The following TCEANC2 variants were observed in gnomAD, a reference collection of about 807,000 sequenced individuals.
TCEANC2 encodes the protein transcription elongation factor A N-terminal and central domain-containing protein 2.
Under a neutral mutation model 22.8 loss-of-function variants are expected in TCEANC2, and 20 were observed. The ratio of observed to expected loss-of-function variants is 0.88; its 90% CI spans 0.62 to 1.28. The LOEUF is 1.28. Ranked by LOEUF, TCEANC2 falls within the 50% of genes most tolerant of loss-of-function variation. TCEANC2 has a pLI of 0.00. For missense variants in TCEANC2, 251 were observed against 249.7 expected, an observed-to-expected ratio of 1.01 and a Z score of -0.03; for synonymous variants, 84 against 95.5, an observed-to-expected ratio of 0.88 and a Z score of 0.70.
intron 3 of TCEANC2, among the ~76,000 whole-genome samples, chr1:54,075,036 T>C (rs1658122811): frequency 6.6e-6 from 1 of 152,212 alleles, no homozygotes; most frequent in South Asian, 2.1e-4. Flanking sequence ...ATTGTTAAGA[T>C]TGATTACCAA....
intron 3 of TCEANC2, among the ~76,000 whole-genome samples, chr1:54,080,691 A>G (rs1570011449): frequency 6.6e-6 from 1 of 152,336 alleles, no homozygotes; most frequent in Admixed American, 6.5e-5. Flanking sequence ...TCAACATTCT[A>G]TCCCAATGCC....
At chr1:54,087,788 C>T (rs754676056) in intron 3 of TCEANC2, among the ~76,000 whole-genome samples, 6 of 152,178 alleles carry the variant, frequency 3.9e-5, no homozygotes, top group Non-Finnish European at 7.4e-5. Context: ...AGAGAAAAAT[C>T]ACTGACTGTG....
Position 54,104,834 on chromosome 1 carries a change from G to C in TCEANC2, c.*8361G>C, listed in dbSNP as rs1439824059. ...TGGGATTACAGGCGTGAGCCACTGC[G>C]CCTGGCCCCTTGCCCAATATTTATA... On this transcript the variant is annotated 3_prime_UTR_variant, in exon 5 of 5. Coordinates refer to ENST00000234827, the MANE Select transcript of TCEANC2 (RefSeq NM_153035.3). 2.9e-6 allele frequency: 1 copy of C among 350,290 alleles called. No individual in the cohort carries two copies. The highest frequency in any genetic ancestry group is 5.8e-6 in the Non-Finnish European group (1 of 173,800). 21.7% of individuals were successfully genotyped at this position (350,290 alleles called of 1,614,324 possible). A position where few individuals can be genotyped will look rare whatever the true frequency, so the allele number is the denominator to read the frequency against.
chr1:54,066,897 A>G (rs772709857), intron 2 of TCEANC2, among the ~76,000 whole-genome samples: 1 of 152,334 alleles, frequency 6.6e-6, no homozygotes, highest in South Asian at 2.1e-4. Context: ...GTATCAAGTG[A>G]TATTTCCCAA....
intron 3 of TCEANC2, among the ~76,000 whole-genome samples, chr1:54,081,651 C>T (rs114635901): frequency 0.011 from 1,663 of 151,254 alleles, 14 homozygotes; most frequent in Middle Eastern, 0.045. Flanking sequence ...TCTTTCTTGC[C>T]CCAGACTGAA....
At chr1:54,090,084 T>C (rs1411066595) in intron 4 of TCEANC2, 11 of 622,796 alleles carry the variant, frequency 1.8e-5, no homozygotes, top group Admixed American at 1.5e-4. Context: ...CCCAAAGGAA[T>C]GGAGAGATCA....
chr1:54,112,284 TG>T (rs1434857063), exon 5 of TCEANC2: 3 of 152,214 alleles, frequency 2.0e-5, no homozygotes, highest in Admixed American at 6.5e-5. Context: ...GAGGATCACT[TG>T]AGCCGGGAGG....
chr1:54,055,833 C>G (rs1657742018), intron 2 of TCEANC2, among the ~76,000 whole-genome samples: 1 of 152,186 alleles, frequency 6.6e-6, no homozygotes, highest in South Asian at 2.1e-4. Context: ...AAGTCAGTCC[C>G]TTCTCTAAGA....
Position 54,103,802 on chromosome 1 carries a change from A to G in TCEANC2, c.*7329A>G, listed in dbSNP as rs1285087326. ...GATTCATTTTCACTGGCATAGATGTATATTCCAGATACGAGTTCATCTTCA... is the reference window on the plus strand; with the variant it reads ...GATTCATTTTCACTGGCATAGATGTGTATTCCAGATACGAGTTCATCTTCA... On this transcript the variant is annotated 3_prime_UTR_variant, in exon 5 of 5. Coordinates refer to ENST00000234827, the MANE Select transcript of TCEANC2 (RefSeq NM_153035.3). 6.6e-6 allele frequency: 1 copy of G among 152,248 alleles called. No individual in the cohort carries two copies. Among genetic ancestry groups the G allele is most frequent in the Non-Finnish European group, 1.5e-5 (1 of 68,054 alleles). The allele number at this position is 152,248 out of a possible 1,614,324, so 9.4% of individuals were successfully genotyped here.
downstream of TCEANC2, among the ~76,000 whole-genome samples, chr1:54,108,014 CTTCTT>C (rs1377899897): frequency 4.6e-5 from 7 of 152,174 alleles, no homozygotes; most frequent in Non-Finnish European, 1.0e-4. Context: ...TAATGGTTAT[CTTCTT>C]TTATTTATGT....
chr1:54,057,571 C>T (rs371301701), intron 2 of TCEANC2, among the ~76,000 whole-genome samples: 3 of 152,048 alleles, frequency 2.0e-5, no homozygotes, highest in African/African-American at 7.3e-5. Flanking sequence ...CAGAATCATA[C>T]TTCTCATCTA....
downstream of TCEANC2, among the ~76,000 whole-genome samples, chr1:54,110,074 C>T (rs1266166943): frequency 6.6e-6 from 1 of 152,178 alleles, no homozygotes; most frequent in Non-Finnish European, 1.5e-5. Flanking sequence ...AAGCCCCAAC[C>T]ACCAGGTAGT....
intron 3 of TCEANC2, among the ~76,000 whole-genome samples, chr1:54,075,351 G>C (rs958394843): frequency 1.3e-5 from 2 of 151,992 alleles, no homozygotes; most frequent in African/African-American, 4.8e-5. Context: ...TTATAGAAGA[G>C]ATGGGACTTT....
chr1:54,072,296 C>T (rs956608237), intron 3 of TCEANC2, among the ~76,000 whole-genome samples: 27 of 152,080 alleles, frequency 1.8e-4, no homozygotes, highest in African/African-American at 6.3e-4. Flanking sequence ...CCAAGTCACT[C>T]ATTCTCTCTT....
chr1:54,079,066 G>C (rs917818047), intron 3 of TCEANC2, among the ~76,000 whole-genome samples: 1 of 152,152 alleles, frequency 6.6e-6, no homozygotes, highest in African/African-American at 2.4e-5. Flanking sequence ...ATCAGGCAGT[G>C]GAGTTAGGCC....
chr1:54,092,701 A>T (rs1488078374), intron 4 of TCEANC2, among the ~76,000 whole-genome samples: 1 of 152,228 alleles, frequency 6.6e-6, no homozygotes, highest in African/African-American at 2.4e-5. Flanking sequence ...GACTGTGGGA[A>T]GTTCCGCACT....
intron 3 of TCEANC2, among the ~76,000 whole-genome samples, chr1:54,083,956 TA>T (rs1658291651): frequency 6.6e-6 from 1 of 151,962 alleles, no homozygotes; most frequent in Non-Finnish European, 1.5e-5. Flanking sequence ...TTCACTAAAC[TA>T]AAAAAAGTGA....
rs935077746 is a variant in TCEANC2 at position 54,097,409 on chromosome 1, G to A, written c.*936G>A. The A allele has an allele frequency of 6.6e-6, 1 of 152,158 alleles. No individual in the cohort carries two copies. The highest frequency in any genetic ancestry group is 2.4e-5 in the African/African-American group (1 of 41,438). The allele number at this position is 152,158 out of a possible 1,614,324, so 9.4% of individuals were successfully genotyped here. A position where few individuals can be genotyped will look rare whatever the true frequency, so the allele number is the denominator to read the frequency against. ...TTTAAAAATGATGGAACAAGGATTTGAGGAATGTAGAAGACTCAAGGAAGT... is the reference window on the plus strand; with the variant it reads ...TTTAAAAATGATGGAACAAGGATTTAAGGAATGTAGAAGACTCAAGGAAGT... On this transcript the variant is annotated 3_prime_UTR_variant, in exon 5 of 5. Coordinates refer to ENST00000234827, the MANE Select transcript of TCEANC2 (RefSeq NM_153035.3).
At position 54,096,443 on chromosome 1, in the gene TCEANC2, C is replaced by A. The variant is rs368488008; in HGVS notation, c.597C>A (p.Val199=). 19 of 1,612,060 alleles carry A rather than the reference C, an allele frequency of 1.2e-5. No homozygotes were observed. The highest frequency in any genetic ancestry group is 1.4e-5 in the Non-Finnish European group (17 of 1,178,390). Residue 199 remains valine (V), a synonymous_variant, in exon 5 of 5, where the codon GTC becomes GTA. Coordinates refer to ENST00000234827, the MANE Select transcript of TCEANC2 (RefSeq NM_153035.3). This position sits in a 1 kb window ranked among gnomAD's most constrained non-coding sequence, Gnocchi z 4.9. The part of the protein sequence containing the change: ...RAQVKSGSLP[V]GTFVQTHKK The stretch of plus-strand genomic sequence containing the variant: ...AGGTGAAGAGCGGCTCGCTGCCAGT[C>A]GGCACGTTTGTACAGACCCACAAAA...
Sources: gnomAD v4.1 joint callset for allele counts (sites outside exome capture counted in the v4.1 genomes callset) on GRCh38, gnomAD v4.1.1 for gene constraint, Gnocchi (gnomAD v3.1) non-coding constraint, MANE v1.5 for transcripts, NCBI Gene and HGNC (gene_info 2026-07-23, HGNC 2026-07-21) for gene names.